CAP2: variants seen among roughly 807,000 people sequenced by gnomAD.
CAP2 encodes cyclase associated actin cytoskeleton regulatory protein 2, also known as adenylyl cyclase-associated protein 2.
CAP2 carries 24 observed loss-of-function variants against 57.7 expected under a neutral mutation model. The observed-to-expected ratio is 0.42, with a 90% confidence interval of 0.30 to 0.58. The LOEUF (loss-of-function observed/expected upper bound fraction) is 0.58. CAP2 is among the 20% of genes least tolerant of loss of function. The pLI, the probability that CAP2 is intolerant of heterozygous loss-of-function variation, is 0.22. For missense variants in CAP2, 501 were observed against 590.3 expected, an observed-to-expected ratio of 0.85 and a Z score of 1.57; for synonymous variants, 194 against 207.2, an observed-to-expected ratio of 0.94 and a Z score of 0.55.
chr6:17,451,514 C>CTT (rs879835307), intron 3 of CAP2, among the ~76,000 whole-genome samples: 1 of 145,574 alleles, frequency 6.9e-6, no homozygotes. Flanking sequence ...TCAGAAAATA[C>CTT]TTTTTTTTTT....
chr6:17,431,913 T>C (rs954256835), intron 3 of CAP2, among the ~76,000 whole-genome samples: 16 of 152,016 alleles, frequency 1.1e-4, no homozygotes, highest in African/African-American at 1.9e-4. Context: ...AAAGAGCATC[T>C]TCAGCCATGC....
intron 5 of CAP2, 135 bp from the exon 6 acceptor site, chr6:17,507,506 A>C: frequency 1.3e-6 from 1 of 790,910 alleles, no homozygotes; most frequent in South Asian, 1.7e-5. Context: ...GTTTTTATCA[A>C]CCTTTACAGA....
chr6:17,551,649 C>T (rs769791521), intron 12 of CAP2, 45 bp downstream of exon 12: 8 of 1,431,360 alleles, frequency 5.6e-6, no homozygotes, highest in Non-Finnish European at 7.7e-6. Context: ...CTGGAGCCTT[C>T]ATTATTAACA....
At chr6:17,459,887 A>G in intron 3 of CAP2, among the ~76,000 whole-genome samples, 1 of 152,200 alleles carries the variant, frequency 6.6e-6, no homozygotes, top group Non-Finnish European at 1.5e-5. Flanking sequence ...ATTCTACACT[A>G]TGAGGATAAT....
chr6:17,517,246 T>C (rs907905715), intron 7 of CAP2, among the ~76,000 whole-genome samples: 2 of 152,262 alleles, frequency 1.3e-5, no homozygotes, highest in African/African-American at 2.4e-5. Flanking sequence ...AATCCATTTA[T>C]GGAAAATAGT....
intron 4 of CAP2, among the ~76,000 whole-genome samples, chr6:17,506,952 TA>T (rs1762002810): frequency 6.6e-6 from 1 of 152,208 alleles, no homozygotes; most frequent in Non-Finnish European, 1.5e-5. Flanking sequence ...TTAATAATGT[TA>T]AAAATATCTG....
chr6:17,395,518 A>C (rs1372494271), intron 1 of CAP2, among the ~76,000 whole-genome samples: 2 of 152,094 alleles, frequency 1.3e-5, no homozygotes, highest in Non-Finnish European at 2.9e-5. Context: ...GTAGTTTGCT[A>C]CTCCCACTGA....
intron 3 of CAP2, among the ~76,000 whole-genome samples, chr6:17,451,514 CT>C (rs879835307): frequency 1.5e-3 from 215 of 145,208 alleles, no homozygotes; most frequent in Non-Finnish European, 1.5e-3. Context: ...TCAGAAAATA[CT>C]TTTTTTTTTT....
intron 4 of CAP2, among the ~76,000 whole-genome samples, chr6:17,491,675 G>T (rs907822113): frequency 2.6e-5 from 4 of 152,206 alleles, no homozygotes; most frequent in African/African-American, 9.6e-5. Flanking sequence ...AGCTGTGGGA[G>T]CGAGACATAT....
chr6:17,510,569 GA>G (rs1366569841), intron 6 of CAP2, among the ~76,000 whole-genome samples: 2 of 152,318 alleles, frequency 1.3e-5, no homozygotes, highest in Admixed American at 6.5e-5. Flanking sequence ...TGTGCCCAAT[GA>G]TATGCCTCCA....
At chr6:17,495,039 TG>T (rs1428785997) in intron 4 of CAP2, among the ~76,000 whole-genome samples, 1 of 152,210 alleles carries the variant, frequency 6.6e-6, no homozygotes, top group Non-Finnish European at 1.5e-5. Context: ...CTTACACCAT[TG>T]GCTCTCCTGG....
At chr6:17,481,192 G>A (rs1308215138) in intron 4 of CAP2, among the ~76,000 whole-genome samples, 1 of 151,958 alleles carries the variant, frequency 6.6e-6, no homozygotes, top group Admixed American at 6.6e-5. Context: ...CTGTTCACAT[G>A]TGCTTTTTGA....
intron 3 of CAP2, among the ~76,000 whole-genome samples, chr6:17,453,167 G>A (rs1455995254): frequency 6.6e-6 from 1 of 152,218 alleles, no homozygotes; most frequent in Non-Finnish European, 1.5e-5. Context: ...GCAATGGGCA[G>A]GGTGGAAACT....
chr6:17,406,398 C>CTTTTTTTTTTT lies in CAP2; in HGVS notation c.-2+12657_-2+12667dup, dbSNP rs777803474. 4.2e-3 allele frequency among the ~76,000 whole-genome samples: 435 copies of CTTTTTTTTTTT among 102,376 alleles called. 43 individuals carry two copies. Among genetic ancestry groups the CTTTTTTTTTTT allele is most frequent in the South Asian group, 0.04 (126 of 3,142 alleles). The allele number at this position is 102,376 out of a possible 152,430, so 67.2% of individuals were successfully genotyped here. ...CTTTTCTGTCAGTAAGCCCAGATTTCTTTTTTTTTTTTTTTGAGGCAGTCT... is the reference window on the plus strand; with the variant it reads ...CTTTTCTGTCAGTAAGCCCAGATTTCTTTTTTTTTTTTTTTTTTTTTTTTTTGAGGCAGTCT... On this transcript the variant is annotated intron_variant, in intron 1 of 12. Coordinates refer to ENST00000229922, the MANE Select transcript of CAP2 (RefSeq NM_006366.3).
intron 1 of CAP2, among the ~76,000 whole-genome samples, chr6:17,416,425 G>T: frequency 6.6e-6 from 1 of 152,128 alleles, no homozygotes; most frequent in Non-Finnish European, 1.5e-5. Context: ...CCTGTGTATA[G>T]TATACCTCCT....
In CAP2 at chr6:17,438,433, G is replaced by GTTTTTTTTTTTTTTTTT. The variant is rs773266583; in HGVS notation, c.222+11750_222+11766dup. Among the ~76,000 whole-genome samples the GTTTTTTTTTTTTTTTTT allele has an allele frequency of 1.7e-4, 10 of 58,374 alleles. 1 individual carries two copies. Among genetic ancestry groups the GTTTTTTTTTTTTTTTTT allele is most frequent in the African/African-American group, 1.0e-3 (10 of 9,978 alleles). 38.3% of individuals were successfully genotyped at this position (58,374 alleles called of 152,430 possible). ...TTTGCTTGTTTGACCATCCAGAAGTGTTTTTTTTTTTTTTTTTTTTTTTGA... is the reference window on the plus strand; with the variant it reads ...TTTGCTTGTTTGACCATCCAGAAGTGTTTTTTTTTTTTTTTTTTTTTTTTTTTTTTTTTTTTTTTTGA... On this transcript the variant is annotated intron_variant, in intron 3 of 12. Transcript: ENST00000229922.
chr6:17,462,151 G>A (rs1342181445), intron 3 of CAP2, among the ~76,000 whole-genome samples: 1 of 152,006 alleles, frequency 6.6e-6, no homozygotes, highest in Non-Finnish European at 1.5e-5. Flanking sequence ...GTCTCCTTGT[G>A]GGGTGTTGAG....
intron 3 of CAP2, among the ~76,000 whole-genome samples, chr6:17,431,448 A>C (rs1208879787): frequency 6.6e-6 from 1 of 152,260 alleles, no homozygotes; most frequent in Non-Finnish European, 1.5e-5. Flanking sequence ...CATGCTGTAT[A>C]ATGTTCTGTC....
intron 4 of CAP2, among the ~76,000 whole-genome samples, chr6:17,475,630 A>G (rs578225280): frequency 6.6e-6 from 1 of 152,314 alleles, no homozygotes; most frequent in East Asian, 1.9e-4. Flanking sequence ...ATTATAGAAT[A>G]TAGGTTCTGG....
Sources: gnomAD v4.1 joint callset for allele counts (sites outside exome capture counted in the v4.1 genomes callset) on GRCh38, gnomAD v4.1.1 for gene constraint, MANE v1.5 for transcripts, NCBI Gene and HGNC (gene_info 2026-07-23, HGNC 2026-07-21) for gene names.